FARSB: variants seen among roughly 807,000 people sequenced by gnomAD.
FARSB encodes phenylalanine--tRNA ligase beta subunit.
FARSB carries 40 observed loss-of-function variants against 69.6 expected under a neutral mutation model. The ratio of observed to expected loss-of-function variants is 0.57; its 90% CI spans 0.45 to 0.75. The LOEUF (loss-of-function observed/expected upper bound fraction) is 0.75, where lower values mean the gene tolerates loss of function less well. Among genes scored for constraint, FARSB ranks in the 30% least tolerant of loss-of-function variants. The pLI is 0.00. For synonymous variants in FARSB, 235 were observed against 247.2 expected (o/e 0.95, Z 0.46); for missense variants, 632 against 722.9 (o/e 0.87, Z 1.44).
intron 10 of FARSB, among the ~76,000 whole-genome samples, chr2:222,627,325 A>G (rs1691302775): frequency 6.6e-6 from 1 of 152,214 alleles, no homozygotes; most frequent in African/African-American, 2.4e-5. Context: ...TCTTGCTGCT[A>G]GGAACCCTGC....
intron 3 of FARSB, among the ~76,000 whole-genome samples, chr2:222,641,778 A>G (rs1691725611): frequency 6.6e-6 from 1 of 152,160 alleles, no homozygotes; most frequent in African/African-American, 2.4e-5. Context: ...TAGGAAACCA[A>G]CTGAGTCAAC....
At chr2:222,576,969 G>A (rs1689854183) in intron 16 of FARSB, among the ~76,000 whole-genome samples, 1 of 152,174 alleles carries the variant, frequency 6.6e-6, no homozygotes, top group Non-Finnish European at 1.5e-5. Context: ...AAAGGTGGCT[G>A]TTCTCGAAGT....
At chr2:222,587,542 C>A (rs890689683) in intron 16 of FARSB, among the ~76,000 whole-genome samples, 2 of 152,104 alleles carry the variant, frequency 1.3e-5, no homozygotes, top group Admixed American at 6.5e-5. Flanking sequence ...ACACAAAAAA[C>A]CCTTCAAAAA....
intron 15 of FARSB, among the ~76,000 whole-genome samples, chr2:222,604,992 G>A (rs1487281146): frequency 6.6e-6 from 1 of 152,078 alleles, no homozygotes; most frequent in South Asian, 2.1e-4. Flanking sequence ...TGAGATAAGC[G>A]AGGAGCATAC....
chr2:222,595,079 A>C lies in FARSB; in HGVS notation c.1618+4849T>G, dbSNP rs150854869. 3.2e-3 allele frequency among the ~76,000 whole-genome samples: 486 copies of C among 152,358 alleles called. 3 individuals are homozygous for C. Among genetic ancestry groups the C allele is most frequent in the African/African-American group, 0.011 (472 of 41,588 alleles). ...AAAAAAGCAGACATCCAGAGGAATC[A>C]AAACTGTTTCCATACAGACTAACCA... is the stretch of plus-strand genomic sequence containing the variant. On this transcript the variant is annotated intron_variant, in intron 16 of 16. Coordinates refer to ENST00000281828, the MANE Select transcript of FARSB (RefSeq NM_005687.5).
chr2:222,591,691 C>A (rs939116380), intron 16 of FARSB, among the ~76,000 whole-genome samples: 13 of 152,130 alleles, frequency 8.5e-5, no homozygotes, highest in Non-Finnish European at 1.6e-4. Context: ...AGCATATATA[C>A]AATTTTTTTT....
chr2:222,585,501 C>A (rs1690089394), intron 16 of FARSB, among the ~76,000 whole-genome samples: 1 of 152,250 alleles, frequency 6.6e-6, no homozygotes, highest in South Asian at 2.1e-4. Context: ...AGCAATGGAA[C>A]AAGGCTGAAC....
rs80169486 is a variant in FARSB at position 222,573,504 on chromosome 2, T to G, written c.1619-1482A>C. On this transcript the variant is annotated intron_variant, in intron 16 of 16. Transcript: ENST00000281828. ...CTTAGTTTCATATTAATATGAATAT[T>G]CACATTCATATGAATATTACTAAAT... Among the ~76,000 whole-genome samples the G allele has an allele frequency of 9.8e-4, 150 of 152,288 alleles. 1 individual carries two copies. The highest frequency in any genetic ancestry group is 1.8e-3 in the Non-Finnish European group (120 of 68,012).
At chr2:222,616,406 G>A (rs1690995859) in intron 14 of FARSB, among the ~76,000 whole-genome samples, 1 of 152,094 alleles carries the variant, frequency 6.6e-6, no homozygotes, top group Non-Finnish European at 1.5e-5. Context: ...AATTAGCTGG[G>A]CGCGGCAGCG....
intron 16 of FARSB, among the ~76,000 whole-genome samples, chr2:222,572,588 T>TG (rs1282348541): frequency 6.6e-6 from 1 of 152,200 alleles, no homozygotes; most frequent in Non-Finnish European, 1.5e-5. Context: ...TGACAGGCCA[T>TG]GCTACCAGAA....
At chr2:222,579,428 C>T (rs1235613379) in intron 16 of FARSB, among the ~76,000 whole-genome samples, 2 of 152,204 alleles carry the variant, frequency 1.3e-5, no homozygotes, top group African/African-American at 4.8e-5. Flanking sequence ...CTGACAAAAC[C>T]TAGAGCCTTC....
rs1020542814 is a variant in FARSB, at chr2:222,611,484, T to A, written c.1462+2327A>T. ...GTGGGGGAGACAGGGTCTTACTCTGTTGCCCAGGCTGGAGTGTAGTTAGTG... is the reference window on the plus strand; with the variant it reads ...GTGGGGGAGACAGGGTCTTACTCTGATGCCCAGGCTGGAGTGTAGTTAGTG... On this transcript the variant is annotated intron_variant, in intron 15 of 16. Coordinates refer to ENST00000281828, the MANE Select transcript of FARSB (RefSeq NM_005687.5). Among the ~76,000 whole-genome samples the A allele has an allele frequency of 8.2e-4, 124 of 152,094 alleles. 1 individual carries two copies. The highest frequency in any genetic ancestry group is 2.8e-3 in the African/African-American group (118 of 41,512).
chr2:222,627,471 G>C (rs1006059686), intron 10 of FARSB, among the ~76,000 whole-genome samples: 6 of 152,164 alleles, frequency 3.9e-5, no homozygotes, highest in Non-Finnish European at 7.3e-5. Flanking sequence ...CCAGTCAACT[G>C]ACTACATATG....
chr2:222,630,199 T>C (rs752760514), intron 8 of FARSB, 25 bp from the exon 9 acceptor site: 20 of 1,174,502 alleles, frequency 1.7e-5, no homozygotes, highest in South Asian at 2.8e-5. Flanking sequence ...AAAACAAATA[T>C]AGTAATCTAT....
intron 5 of FARSB, among the ~76,000 whole-genome samples, chr2:222,637,782 G>T (rs1261532563): frequency 6.6e-6 from 1 of 151,972 alleles, no homozygotes; most frequent in Non-Finnish European, 1.5e-5. Flanking sequence ...AGCCTATAAG[G>T]CCAGCCTGGA....
At chr2:222,578,607 C>T (rs952324156) in intron 16 of FARSB, among the ~76,000 whole-genome samples, 3 of 151,562 alleles carry the variant, frequency 2.0e-5, no homozygotes, top group African/African-American at 4.8e-5. Context: ...TGGGGGCCAA[C>T]GCGGGAAGAT....
At chr2:222,631,039 T>G (rs1051727626) in intron 8 of FARSB, among the ~76,000 whole-genome samples, 2 of 152,206 alleles carry the variant, frequency 1.3e-5, no homozygotes. Context: ...AGAAGTCATA[T>G]GTCATAGAAA....
intron 6 of FARSB, among the ~76,000 whole-genome samples, chr2:222,633,876 A>G (rs1295345264): frequency 6.6e-6 from 1 of 152,256 alleles, no homozygotes; most frequent in East Asian, 1.9e-4. Context: ...CAAAGGAAAC[A>G]TAAACCATGA....
chr2:222,603,968 G>A (rs571106841), intron 15 of FARSB, among the ~76,000 whole-genome samples: 18 of 151,898 alleles, frequency 1.2e-4, no homozygotes, highest in South Asian at 2.1e-4. Context: ...TGTAATCCCC[G>A]CACTTTGGGA....
Sources: gnomAD v4.1 joint callset for allele counts (sites outside exome capture counted in the v4.1 genomes callset) on GRCh38, gnomAD v4.1.1 for gene constraint, MANE v1.5 for transcripts, NCBI Gene and HGNC (gene_info 2026-07-23, HGNC 2026-07-21) for gene names.